GAL3ST1: variants seen among roughly 807,000 people sequenced by gnomAD.
GAL3ST1 encodes galactosylceramide sulfotransferase.
Under a neutral mutation model 25.0 loss-of-function variants are expected in GAL3ST1, and 13 were observed. The observed-to-expected ratio is 0.52, with a 90% CI of 0.34 to 0.83. GAL3ST1 has a LOEUF of 0.83. Ranked by LOEUF, GAL3ST1 falls within the 40% of genes least tolerant of loss-of-function variation. The pLI, the probability that GAL3ST1 is intolerant of heterozygous loss-of-function variation, is 0.02. For synonymous variants in GAL3ST1, 274 were observed against 277.8 expected (o/e 0.99, Z 0.14); for missense variants, 474 against 613.6 (o/e 0.77, Z 2.40).
intron 1 of GAL3ST1, among the ~76,000 whole-genome samples, chr22:30,561,210 T>C (rs1294924946): frequency 6.6e-6 from 1 of 152,206 alleles, no homozygotes; most frequent in African/African-American, 2.4e-5. Context: ...TTCCAAAGTG[T>C]TGGGATTACA....
At chr22:30,572,540 G>C (rs2086815209) in intron 1 of GAL3ST1, 2 of 152,240 alleles carry the variant, frequency 1.3e-5, no homozygotes, top group African/African-American at 4.8e-5. Context: ...TGATTGTATT[G>C]TGATCCTCCT....
chr22:30,556,104 CAG>C lies in GAL3ST1; in HGVS notation c.132-13_132-12del, dbSNP rs1226898037. On this transcript the variant is annotated splice_polypyrimidine_tract_variant and intron_variant, in intron 3 of 3. Transcript: ENST00000406361. ...GCGGCCTCCGGGGTCCTGCTGGGGA[CAG>C]AGAGGTGGGGAGAGCCTCAGGGGGG... 5.6e-6 allele frequency: 9 copies of C among 1,593,986 alleles called. No homozygotes were observed. The African/African-American group carries it at 1.2e-4, about 21-fold the overall frequency.
Position 30,556,075 on chromosome 22 carries a change from C to T in GAL3ST1, c.150G>A (p.Ala50=), listed in dbSNP as rs73394272. ...GLASTTPEAA[A]SCSPPALEPE... is the part of the protein sequence containing the mutation. ...GCTCGAGTGCAGGTGGAGAGCAGGA[C>T]GCTGCGGCCTCCGGGGTCCTGCTGG... is the stretch of plus-strand genomic sequence containing the variant. The change falls in exon 4 of 4, where the codon GCG becomes GCA. Residue 50 remains alanine (A), a synonymous_variant. Transcript: ENST00000406361. 8.8e-5 allele frequency: 142 copies of T among 1,606,964 alleles called. No individual in the cohort carries two copies. The African/African-American group carries it at 1.4e-3, about 16-fold the overall frequency.
chr22:30,556,005 G>C lies in GAL3ST1; in HGVS notation c.220C>G (p.Pro74Ala), dbSNP rs1328356268. 6.2e-7 allele frequency: 1 copy of C among 1,611,466 alleles called. No individual in the cohort carries two copies. Among genetic ancestry groups the C allele is most frequent in the Non-Finnish European group, 8.5e-7 (1 of 1,179,882 alleles). The change falls in exon 4 of 4, where the codon CCG becomes GCG. Residue 74 changes from proline to alanine, a missense_variant. Transcript: ENST00000406361. ...RANGSAGECQPRRNIVFLKTH... is the reference protein window; with the variant it reads ...RANGSAGECQARRNIVFLKTH... ...TTCAAGAACACGATGTTGCGCCGCG[G>C]CTGGCACTCCCCCGCCGAGCCGTTG...
rs2086856566 is a variant in GAL3ST1, at chr22:30,574,631, C to CA, written c.-286_-285insT. 6.8e-6 allele frequency: 1 copy of CA among 146,484 alleles called. No homozygotes were observed. Among genetic ancestry groups the CA allele is most frequent in the Non-Finnish European group, 1.5e-5 (1 of 65,578 alleles). The allele number at this position is 146,484 out of a possible 1,614,324, so 9.1% of individuals were successfully genotyped here. On this transcript the variant is annotated 5_prime_UTR_variant, in exon 1 of 4. Transcript: ENST00000406361. The stretch of plus-strand genomic sequence containing the variant: ...TGCCGCGCCGCGCCCGCTCCCGCGC[C>CA]GCGCCCGCTCCCGGCCAGGTGCCGC...
chr22:30,564,799 T>G (rs543315263), intron 1 of GAL3ST1: 1 of 152,234 alleles, frequency 6.6e-6, no homozygotes. Context: ...GTAACCCCTG[T>G]GGTGGAGCAA....
intron 1 of GAL3ST1, among the ~76,000 whole-genome samples, chr22:30,563,966 T>C (rs778713845): frequency 2.6e-5 from 4 of 151,148 alleles, no homozygotes; most frequent in Non-Finnish European, 4.4e-5. Flanking sequence ...GAAAGAAACA[T>C]AAATTCTTTC....
chr22:30,563,601 G>T (rs1433086475), intron 1 of GAL3ST1, among the ~76,000 whole-genome samples: 1 of 152,036 alleles, frequency 6.6e-6, no homozygotes, highest in Non-Finnish European at 1.5e-5. Flanking sequence ...GGGCTACAGA[G>T]CAAGACCCTA....
chr22:30,568,322 G>A (rs2086683824), intron 1 of GAL3ST1, among the ~76,000 whole-genome samples: 1 of 152,178 alleles, frequency 6.6e-6, no homozygotes, highest in South Asian at 2.1e-4. Context: ...TATTTCCCAT[G>A]CGCCCTTGCA....
At chr22:30,571,601 C>T (rs945562956) in intron 1 of GAL3ST1, among the ~76,000 whole-genome samples, 2 of 152,092 alleles carry the variant, frequency 1.3e-5, no homozygotes, top group Middle Eastern at 3.2e-3. Context: ...CAGTGGCTCA[C>T]GCCTGTAATC....
At chr22:30,559,027 A>G (rs771792410) in intron 1 of GAL3ST1, among the ~76,000 whole-genome samples, 1 of 151,836 alleles carries the variant, frequency 6.6e-6, no homozygotes, top group Non-Finnish European at 1.5e-5. Context: ...GTGTGGTGGC[A>G]TGCCCCTATA....
At chr22:30,564,970 A>G (rs2086579606) in intron 1 of GAL3ST1, 1 of 152,320 alleles carries the variant, frequency 6.6e-6, no homozygotes, top group Admixed American at 6.5e-5. Context: ...CAGTGGTGTG[A>G]ATATTCATGA....
intron 1 of GAL3ST1, among the ~76,000 whole-genome samples, chr22:30,573,117 G>A (rs899565997): frequency 6.6e-6 from 1 of 152,170 alleles, no homozygotes; most frequent in South Asian, 2.1e-4. Context: ...ACAGGGCTTC[G>A]TTGTCTCGGC....
In GAL3ST1 at chr22:30,561,621, C is replaced by T. The variant is rs143510585; in HGVS notation, c.-119-3233G>A. The stretch of plus-strand genomic sequence containing the variant: ...AGCCCCTGCCTGGTGTGTCCTAAGC[C>T]CTGTCCCAAGCCCAGGGGAAGGAAG... On this transcript the variant is annotated intron_variant, in intron 1 of 3. Transcript: ENST00000406361. Among the ~76,000 whole-genome samples, 441 of 152,312 alleles carry T rather than the reference C, an allele frequency of 2.9e-3. 1 individual carries two copies. Among genetic ancestry groups the T allele is most frequent in the Non-Finnish European group, 4.8e-3 (327 of 68,034 alleles).
rs138906121 is a variant in GAL3ST1 at position 30,557,552 on chromosome 22, T to C, written c.-9-151A>G. 1.1e-3 allele frequency: 839 copies of C among 735,662 alleles called. 9 individuals are homozygous for C. In the African/African-American group the frequency reaches 0.014, roughly 12 times the overall value. The allele number at this position is 735,662 out of a possible 1,614,324, so 45.6% of individuals were successfully genotyped here. A position where few individuals can be genotyped will look rare whatever the true frequency, so the allele number is the denominator to read the frequency against. Reference sequence around the variant, plus strand: ...CAGGGACAGAGAGGCACTGGAGAGATAGACTGACAACCACCTGGAAAGAGA... The same window carrying C: ...CAGGGACAGAGAGGCACTGGAGAGACAGACTGACAACCACCTGGAAAGAGA... On this transcript the variant is annotated intron_variant, in intron 2 of 3. Coordinates refer to ENST00000406361, the MANE Select transcript of GAL3ST1 (RefSeq NM_001318104.2).
intron 1 of GAL3ST1, among the ~76,000 whole-genome samples, chr22:30,567,780 T>G (rs1292499386): frequency 4.0e-5 from 6 of 151,786 alleles, no homozygotes; most frequent in Admixed American, 3.9e-4. Flanking sequence ...GCCCCCTGGG[T>G]TCAAGCAATT....
At chr22:30,561,745 C>A (rs1468753869) in intron 1 of GAL3ST1, among the ~76,000 whole-genome samples, 1 of 152,168 alleles carries the variant, frequency 6.6e-6, no homozygotes, top group Non-Finnish European at 1.5e-5. Flanking sequence ...GCTGAGCCTG[C>A]GGCCAGGATA....
intron 3 of GAL3ST1, among the ~76,000 whole-genome samples, chr22:30,556,507 C>T (rs1356947571): frequency 6.6e-6 from 1 of 152,194 alleles, no homozygotes; most frequent in Non-Finnish European, 1.5e-5. Flanking sequence ...GCACCAGCTA[C>T]AGGCTGTGCT....
chr22:30,555,210 C>G lies in GAL3ST1; in HGVS notation c.1015G>C (p.Glu339Gln). 4 of 1,599,274 alleles carry G rather than the reference C, an allele frequency of 2.5e-6. No homozygotes were observed. In the South Asian group the frequency reaches 3.3e-5, roughly 13 times the overall value. Residue 339 changes from glutamate (E) to glutamine (Q), a missense_variant, in exon 4 of 4, where the codon GAG becomes CAG. Glu to Gln is a conservative substitution (Grantham distance 29). This residue lies in a region of GAL3ST1 where 359 missense variants were observed against 504.4 expected (regional missense o/e 0.71). Transcript: ENST00000406361. This position sits in a 1 kb window ranked among gnomAD's most constrained non-coding sequence, Gnocchi z 8.6. ...REVAALRHAN[E>Q]RMRTICIDGG... ...TCGATGCAGATGGTCCGCATGCGCT[C>G]GTTGGCATGGCGCAGGGCGGCCACC... is the stretch of plus-strand genomic sequence containing the variant.
Sources: gnomAD v4.1 joint callset for allele counts (sites outside exome capture counted in the v4.1 genomes callset) on GRCh38, gnomAD v4.1.1 for gene constraint, gnomAD v4.1.1 regional missense constraint, Gnocchi (gnomAD v3.1) non-coding constraint, MANE v1.5 for transcripts, NCBI Gene and HGNC (gene_info 2026-07-23, HGNC 2026-07-21) for gene names.